Variants in FIG4 observed in about 807,000 individuals in gnomAD.
FIG4 encodes the protein polyphosphoinositide phosphatase.
In FIG4, 112 loss-of-function variants were observed where a neutral mutation model predicts 118.6. The ratio of observed to expected loss-of-function variants is 0.94; its 90% CI spans 0.81 to 1.11. The LOEUF (loss-of-function observed/expected upper bound fraction) is 1.11. FIG4 is among the 50% of genes least tolerant of loss of function. FIG4 has a pLI of 0.00. For synonymous variants in FIG4, 369 were observed against 381.2 expected (o/e 0.97, Z 0.37); for missense variants, 969 against 1,111.7 (o/e 0.87, Z 1.83).
chr6:109,759,081 A>G (rs1453634569), intron 10 of FIG4, among the ~76,000 whole-genome samples: 1 of 152,244 alleles, frequency 6.6e-6, no homozygotes, highest in African/African-American at 2.4e-5. Context: ...CATTTGACCC[A>G]GCAATCCCAT....
At chr6:109,732,343 TTAC>T (rs1776025745) in intron 4 of FIG4, among the ~76,000 whole-genome samples, 1 of 152,192 alleles carries the variant, frequency 6.6e-6, no homozygotes, top group Non-Finnish European at 1.5e-5. Flanking sequence ...AAAACAGCAT[TTAC>T]TTCTGTCTTG....
chr6:109,705,152 T>A (rs1775025267), intron 1 of FIG4, among the ~76,000 whole-genome samples: 1 of 152,118 alleles, frequency 6.6e-6, no homozygotes, highest in African/African-American at 2.4e-5. Flanking sequence ...AGGGAAACTT[T>A]AGGGAAATTT....
In FIG4 at chr6:109,707,309, A is replaced by G. The variant is rs373736226; in HGVS notation, c.67-7769A>G. ...TATATATATGTGTGTGTGTGTGTGT[A>G]TGTGTATATATATATGTATAGGTAT... On this transcript the variant is annotated intron_variant, in intron 1 of 22. Coordinates refer to ENST00000230124, the MANE Select transcript of FIG4 (RefSeq NM_014845.6). Among the ~76,000 whole-genome samples, 7 of 136,582 alleles carry G rather than the reference A, an allele frequency of 5.1e-5. No individual in the cohort carries two copies. The South Asian group carries it at 1.6e-3, about 31-fold the overall frequency. 89.6% of individuals were successfully genotyped at this position (136,582 alleles called of 152,430 possible).
intron 18 of FIG4, among the ~76,000 whole-genome samples, 183 bp downstream of exon 18, chr6:109,786,632 C>T (rs1777966653): frequency 6.6e-6 from 1 of 152,126 alleles, no homozygotes; most frequent in Non-Finnish European, 1.5e-5. Flanking sequence ...TTCTATTGTT[C>T]TATTGACAGT....
intron 22 of FIG4, among the ~76,000 whole-genome samples, chr6:109,805,810 T>C (rs1024392668): frequency 1.3e-5 from 2 of 152,192 alleles, no homozygotes; most frequent in Non-Finnish European, 2.9e-5. Flanking sequence ...ATAAAACTTT[T>C]AGGTTTATTT....
intron 22 of FIG4, among the ~76,000 whole-genome samples, chr6:109,820,992 A>G (rs1210457832): frequency 1.3e-5 from 2 of 152,226 alleles, no homozygotes; most frequent in Non-Finnish European, 2.9e-5. Context: ...GTCGCCAGAA[A>G]TCATTGAAGC....
At chr6:109,697,901 T>C (rs1162524765) in intron 1 of FIG4, among the ~76,000 whole-genome samples, 1 of 152,136 alleles carries the variant, frequency 6.6e-6, no homozygotes, top group African/African-American at 2.4e-5. Context: ...TTTTTTTTTT[T>C]TTTCTAAGAC....
At chr6:109,810,114 C>T (rs1778680533) in intron 22 of FIG4, among the ~76,000 whole-genome samples, 1 of 152,110 alleles carries the variant, frequency 6.6e-6, no homozygotes, top group Admixed American at 6.5e-5. Flanking sequence ...TGTCAAATGG[C>T]CAGGATTGGG....
intron 10 of FIG4, among the ~76,000 whole-genome samples, chr6:109,747,057 G>A (rs1024287364): frequency 2.0e-5 from 3 of 152,068 alleles, no homozygotes; most frequent in Non-Finnish European, 4.4e-5. Flanking sequence ...GTGTAGTTTG[G>A]ACATGCTGAG....
chr6:109,725,106 T>C (rs1775761997), intron 3 of FIG4, among the ~76,000 whole-genome samples: 1 of 152,090 alleles, frequency 6.6e-6, no homozygotes, highest in South Asian at 2.1e-4. Context: ...TTTTTAAAAT[T>C]TAAGTTCTGG....
chr6:109,820,854 A>G (rs751524709), intron 22 of FIG4, among the ~76,000 whole-genome samples: 1 of 152,174 alleles, frequency 6.6e-6, no homozygotes. Flanking sequence ...GAGGATGTGG[A>G]AGTAAACCCC....
intron 22 of FIG4, among the ~76,000 whole-genome samples, chr6:109,823,816 T>A (rs548601085): frequency 6.6e-6 from 1 of 152,310 alleles, no homozygotes; most frequent in East Asian, 1.9e-4. Flanking sequence ...AGATTTTCTT[T>A]CCCTGTGTTA....
intron 4 of FIG4, among the ~76,000 whole-genome samples, chr6:109,728,355 A>C (rs1329326153): frequency 6.6e-6 from 1 of 152,146 alleles, no homozygotes; most frequent in Non-Finnish European, 1.5e-5. Flanking sequence ...AATGTTCAAA[A>C]GTTTTGGAGG....
chr6:109,767,686 T>C (rs908706638), intron 15 of FIG4, among the ~76,000 whole-genome samples: 2 of 151,974 alleles, frequency 1.3e-5, no homozygotes, highest in East Asian at 1.9e-4. Context: ...CTGGCTAACA[T>C]GGTGAAACCC....
chr6:109,799,081 T>C (rs998264478), intron 22 of FIG4, among the ~76,000 whole-genome samples: 11 of 152,192 alleles, frequency 7.2e-5, no homozygotes, highest in Middle Eastern at 3.2e-3. Flanking sequence ...AAACAAAACA[T>C]TTCCCCCGTT....
chr6:109,730,876 C>T (rs1159046164), intron 4 of FIG4, among the ~76,000 whole-genome samples: 1 of 151,912 alleles, frequency 6.6e-6, no homozygotes, highest in Non-Finnish European at 1.5e-5. Context: ...ATAAGGCAAA[C>T]AATGCTATAT....
intron 10 of FIG4, among the ~76,000 whole-genome samples, chr6:109,752,220 TCTTAATC>T (rs1329861365): frequency 6.6e-6 from 1 of 151,994 alleles, no homozygotes; most frequent in Non-Finnish European, 1.5e-5. Context: ...TGCCACATTT[TCTTAATC>T]CAGTCTATCA....
chr6:109,778,881 G>C (rs373000176), intron 16 of FIG4, among the ~76,000 whole-genome samples: 98 of 152,286 alleles, frequency 6.4e-4, no homozygotes, highest in African/African-American at 2.0e-3. Context: ...TTACAGGCGT[G>C]AGCCACCGCG....
intron 13 of FIG4, among the ~76,000 whole-genome samples, chr6:109,764,398 A>G (rs559697491): frequency 6.6e-6 from 1 of 151,402 alleles, no homozygotes; most frequent in East Asian, 1.9e-4. Context: ...AGATCATGCC[A>G]CTGCACTCCA....
Sources: allele counts gnomAD v4.1 joint callset (sites outside exome capture counted in the v4.1 genomes callset), GRCh38; gene constraint gnomAD v4.1.1; transcripts MANE v1.5; gene names NCBI Gene and HGNC (gene_info 2026-07-23, HGNC 2026-07-21).